RALGAPA1: variants seen among roughly 807,000 people sequenced by gnomAD.
The protein encoded by RALGAPA1 is ral GTPase-activating protein subunit alpha-1.
RALGAPA1 carries 52 observed loss-of-function variants against 269.6 expected under a neutral mutation model. The observed-to-expected ratio is 0.19, with a 90% CI of 0.15 to 0.24. RALGAPA1 has a LOEUF of 0.24. Among genes scored for constraint, RALGAPA1 ranks in the 10% least tolerant of loss-of-function variants. The pLI is 1.00. For synonymous variants in RALGAPA1, 817 were observed against 1,008.3 expected, an observed-to-expected ratio of 0.81 and a Z score of 3.60; for missense variants, 1,917 against 3,013.9, an observed-to-expected ratio of 0.64 and a Z score of 8.52.
At chr14:35,753,994 T>C (rs58279847) in intron 7 of RALGAPA1, among the ~76,000 whole-genome samples, 13,447 of 152,186 alleles carry the variant, frequency 0.088, 945 homozygotes, top group East Asian at 0.37. Flanking sequence ...AAAATACTTG[T>C]TGATTTTCCA....
At chr14:35,675,200 G>C (rs1345135194) in intron 22 of RALGAPA1, among the ~76,000 whole-genome samples, 1 of 152,082 alleles carries the variant, frequency 6.6e-6, no homozygotes, top group Non-Finnish European at 1.5e-5. Context: ...TTTTGAGATG[G>C]AGTCTTGCAC....
At chr14:35,690,107 G>C in intron 17 of RALGAPA1, 104 bp from the exon 18 acceptor site, 1 of 817,920 alleles carries the variant, frequency 1.2e-6, no homozygotes, top group Non-Finnish European at 1.8e-6. Flanking sequence ...AAAAATCTGA[G>C]TTTTTGTAAG....
intron 17 of RALGAPA1, among the ~76,000 whole-genome samples, chr14:35,693,616 T>G (rs2066672978): frequency 6.6e-6 from 1 of 152,020 alleles, no homozygotes; most frequent in Non-Finnish European, 1.5e-5. Context: ...AGTATAGTCT[T>G]TTCAATTAAA....
At chr14:35,684,113 GA>G (rs2065711862) in intron 20 of RALGAPA1, 128 bp from the exon 21 acceptor site, 1 of 663,478 alleles carries the variant, frequency 1.5e-6, no homozygotes, top group African/African-American at 1.8e-5. Flanking sequence ...ATATCACTCA[GA>G]CAAGTGTAAA....
intron 37 of RALGAPA1, among the ~76,000 whole-genome samples, chr14:35,593,917 C>A (rs113479043): frequency 2.0e-5 from 3 of 151,670 alleles, no homozygotes; most frequent in Non-Finnish European, 4.4e-5. Flanking sequence ...CAGAATGGTA[C>A]GGTACTGGCG....
At chr14:35,711,850 T>C (rs1404075035) in intron 16 of RALGAPA1, among the ~76,000 whole-genome samples, 1 of 152,194 alleles carries the variant, frequency 6.6e-6, no homozygotes, top group Non-Finnish European at 1.5e-5. Flanking sequence ...TTCCTCCTTC[T>C]CATCCCTTAA....
intron 39 of RALGAPA1, among the ~76,000 whole-genome samples, chr14:35,553,988 T>C (rs2055284425): frequency 6.6e-6 from 1 of 152,202 alleles, no homozygotes. Context: ...TTAGGAATTT[T>C]ATCTCCCTTC....
At chr14:35,601,631 T>C (rs2059294388) in intron 36 of RALGAPA1, among the ~76,000 whole-genome samples, 1 of 152,178 alleles carries the variant, frequency 6.6e-6, no homozygotes, top group Admixed American at 6.5e-5. Context: ...TGCTGACTTA[T>C]TCAGCTCCAA....
chr14:35,574,898 G>C (rs1033545784), intron 37 of RALGAPA1, among the ~76,000 whole-genome samples: 1 of 152,034 alleles, frequency 6.6e-6, no homozygotes. Context: ...AGGCTAAGGC[G>C]GGCGAATCAC....
intron 21 of RALGAPA1, among the ~76,000 whole-genome samples, chr14:35,679,875 T>G (rs1031867816): frequency 6.6e-6 from 1 of 152,138 alleles, no homozygotes; most frequent in African/African-American, 2.4e-5. Flanking sequence ...ATCAAATGAG[T>G]AATCATATGA....
intron 39 of RALGAPA1, among the ~76,000 whole-genome samples, chr14:35,563,020 CAAAAAAAAAAAA>C (rs71445944): frequency 6.7e-4 from 25 of 37,258 alleles, no homozygotes; most frequent in African/African-American, 2.2e-3. Context: ...GAGTCCGTCT[CAAAAAAAAAAAA>C]AAAAAAAAAA....
chr14:35,637,065 A>G (rs1215957640), intron 31 of RALGAPA1, among the ~76,000 whole-genome samples: 1 of 152,206 alleles, frequency 6.6e-6, no homozygotes, highest in Non-Finnish European at 1.5e-5. Flanking sequence ...GAAAGGATGT[A>G]GAAGTACACA....
intron 35 of RALGAPA1, among the ~76,000 whole-genome samples, chr14:35,622,530 A>G (rs2060701248): frequency 1.3e-5 from 2 of 152,318 alleles, no homozygotes. Context: ...AAAGTAAATA[A>G]ATATATACAC....
chr14:35,777,445 G>GAATGC, intron 1 of RALGAPA1, among the ~76,000 whole-genome samples: 1 of 152,338 alleles, frequency 6.6e-6, no homozygotes, highest in South Asian at 2.1e-4. Flanking sequence ...CATTTTCAGT[G>GAATGC]TAAGTGAGAA....
intron 29 of RALGAPA1, 146 bp from the exon 30 acceptor site, chr14:35,654,623 A>C: frequency 4.0e-6 from 4 of 1,005,434 alleles, no homozygotes; most frequent in Non-Finnish European, 5.4e-6. Context: ...CTAGCTGCAA[A>C]ATAAAAAAAA....
chr14:35,604,626 A>G (rs1198997088), intron 36 of RALGAPA1, among the ~76,000 whole-genome samples: 1 of 152,028 alleles, frequency 6.6e-6, no homozygotes, highest in Non-Finnish European at 1.5e-5. Context: ...TATACTCTCT[A>G]TAGCAATTTT....
intron 6 of RALGAPA1, among the ~76,000 whole-genome samples, chr14:35,758,640 G>A (rs2073409705): frequency 6.6e-6 from 1 of 152,154 alleles, no homozygotes; most frequent in African/African-American, 2.4e-5. Context: ...TGGGAAGGCT[G>A]AGGCTGGAGG....
At chr14:35,606,666 C>T (rs1023723864) in intron 35 of RALGAPA1, among the ~76,000 whole-genome samples, 5 of 151,406 alleles carry the variant, frequency 3.3e-5, no homozygotes, top group African/African-American at 1.2e-4. Flanking sequence ...CTAAGTCATG[C>T]TACATTTACT....
intron 39 of RALGAPA1, among the ~76,000 whole-genome samples, chr14:35,549,981 T>C (rs969439052): frequency 3.9e-5 from 6 of 152,222 alleles, no homozygotes; most frequent in South Asian, 2.1e-4. Context: ...AAAAATACTG[T>C]AGTTCCTTTT....
Sources: allele counts gnomAD v4.1 joint callset (sites outside exome capture counted in the v4.1 genomes callset), GRCh38; gene constraint gnomAD v4.1.1; transcripts MANE v1.5; gene names NCBI Gene and HGNC (gene_info 2026-07-23, HGNC 2026-07-21).